The following ABRAXAS2 variants were observed in gnomAD, a reference collection of about 807,000 sequenced individuals.
The protein encoded by ABRAXAS2 is BRISC complex subunit Abraxas 2.
In ABRAXAS2, 23 loss-of-function variants were observed where a neutral mutation model predicts 49.0. The ratio of observed to expected loss-of-function variants is 0.47; its 90% CI spans 0.34 to 0.66. The LOEUF (loss-of-function observed/expected upper bound fraction) is 0.66, where lower values mean the gene tolerates loss of function less well. Ranked by LOEUF, ABRAXAS2 falls within the 30% of genes least tolerant of loss-of-function variation. The pLI, the probability that ABRAXAS2 is intolerant of heterozygous loss-of-function variation, is 0.01. For missense variants in ABRAXAS2, 443 were observed against 511.9 expected (o/e 0.87, Z 1.30); for synonymous variants, 168 against 180.2 (o/e 0.93, Z 0.54).
intron 2 of ABRAXAS2, among the ~76,000 whole-genome samples, chr10:124,807,224 A>G (rs1950751008): frequency 6.7e-6 from 1 of 149,018 alleles, no homozygotes. Flanking sequence ...GAGGCAGGAG[A>G]ATGGCATGAA....
intron 4 of ABRAXAS2, among the ~76,000 whole-genome samples, chr10:124,819,746 C>T (rs1223975754): frequency 6.6e-6 from 1 of 151,224 alleles, no homozygotes; most frequent in Non-Finnish European, 1.5e-5. Context: ...TGCACTCCAG[C>T]CTGGGAGACA....
In ABRAXAS2 at chr10:124,806,815, C is replaced by T; in HGVS notation, c.73-16C>T. 1 of 1,524,396 alleles carries T rather than the reference C, an allele frequency of 6.6e-7. No individual in the cohort carries two copies. Among genetic ancestry groups the T allele is most frequent in the South Asian group, 1.2e-5 (1 of 83,672 alleles). The allele number at this position is 1,524,396 out of a possible 1,614,324, so 94.4% of individuals were successfully genotyped here. ...TTTATTTTTAGTCTGCAATTATTTT[C>T]TTTAATTACTTTTAGGAAGGATTTT... is the stretch of plus-strand genomic sequence containing the variant. On this transcript the variant is annotated splice_polypyrimidine_tract_variant and intron_variant, in intron 1 of 8. Coordinates refer to ENST00000298492, the MANE Select transcript of ABRAXAS2 (RefSeq NM_032182.4).
rs1950967710 is a variant in ABRAXAS2 at position 124,836,252 on chromosome 10, A to G, written c.*1281A>G. On this transcript the variant is annotated 3_prime_UTR_variant, in exon 9 of 9. Coordinates refer to ENST00000298492, the MANE Select transcript of ABRAXAS2 (RefSeq NM_032182.4). ...AAGGCTTAAAATCTGGGTTCTGAAA[A>G]AGTAGTTTCAGTTTATAGGATACAC... The G allele has an allele frequency of 6.6e-6, 1 of 152,420 alleles. No individual in the cohort carries two copies. Among genetic ancestry groups the G allele is most frequent in the South Asian group, 2.1e-4 (1 of 4,832 alleles). The allele number at this position is 152,420 out of a possible 1,614,324, so 9.4% of individuals were successfully genotyped here.
rs948390198 is a variant in ABRAXAS2, at chr10:124,826,681, C to T, written c.354C>T (p.Arg118=). Residue 118 remains arginine, a synonymous_variant, in exon 5 of 9, where the codon CGC becomes CGT. Coordinates refer to ENST00000298492, the MANE Select transcript of ABRAXAS2 (RefSeq NM_032182.4). The part of the protein sequence containing the change: ...REQVLHKQLT[R]ILGVPDLVFL... ...AGGTTCTTCACAAGCAGCTCACCCG[C>T]ATCCTCGGCGTGCCCGACCTCGTCT... The T allele has an allele frequency of 5.0e-6, 8 of 1,614,122 alleles. No individual in the cohort carries two copies. The African/African-American group carries it at 9.3e-5, about 19-fold the overall frequency.
intron 4 of ABRAXAS2, among the ~76,000 whole-genome samples, chr10:124,820,531 C>T (rs181208032): frequency 7.9e-5 from 12 of 151,878 alleles, no homozygotes; most frequent in South Asian, 6.2e-4. Context: ...ACCTAGGCTG[C>T]GGTGCAGTGG....
Position 124,819,367 on chromosome 10 carries a change from T to C in ABRAXAS2, c.201-17T>C, listed in dbSNP as rs952744019. 6.2e-7 allele frequency: 1 copy of C among 1,611,906 alleles called. No homozygotes were observed. Among genetic ancestry groups the C allele is most frequent in the Middle Eastern group, 1.7e-4 (1 of 6,060 alleles). On this transcript the variant is annotated splice_polypyrimidine_tract_variant and intron_variant, in intron 3 of 8. Coordinates refer to ENST00000298492, the MANE Select transcript of ABRAXAS2 (RefSeq NM_032182.4). ...ATACTATGTGGTGTTAGTACAAGAT[T>C]TTTTTCTCTTAAACAGTTTTTATGA...
intron 2 of ABRAXAS2, among the ~76,000 whole-genome samples, chr10:124,813,500 G>T (rs1950804093): frequency 6.6e-6 from 1 of 152,184 alleles, no homozygotes; most frequent in African/African-American, 2.4e-5. Context: ...TGTGCCGAGA[G>T]GCGATGTGTA....
intron 5 of ABRAXAS2, among the ~76,000 whole-genome samples, chr10:124,827,654 C>G (rs1389451725): frequency 6.6e-6 from 1 of 151,212 alleles, no homozygotes; most frequent in Non-Finnish European, 1.5e-5. Flanking sequence ...CTGTGGAAGT[C>G]TGATTATAAT....
intron 1 of ABRAXAS2, 25 bp downstream of exon 1, chr10:124,801,926 C>G: frequency 6.2e-7 from 1 of 1,606,486 alleles, no homozygotes; most frequent in Non-Finnish European, 8.5e-7. Flanking sequence ...CCCTGCCGCG[C>G]CCGCTGGGGG....
intron 3 of ABRAXAS2, among the ~76,000 whole-genome samples, chr10:124,816,926 T>C (rs1950828259): frequency 6.6e-6 from 1 of 152,220 alleles, no homozygotes; most frequent in Non-Finnish European, 1.5e-5. Context: ...AAATGTTTTG[T>C]GTTCAACTTT....
chr10:124,811,902 C>T (rs1337031641), intron 2 of ABRAXAS2, among the ~76,000 whole-genome samples: 1 of 152,086 alleles, frequency 6.6e-6, no homozygotes, highest in Non-Finnish European at 1.5e-5. Flanking sequence ...CTCAGCCTCC[C>T]AAGTAGCTGG....
intron 1 of ABRAXAS2, among the ~76,000 whole-genome samples, chr10:124,802,127 G>T (rs1157890952): frequency 4.6e-5 from 7 of 152,184 alleles, no homozygotes; most frequent in Non-Finnish European, 5.9e-5. Flanking sequence ...CCGCTCGGCC[G>T]TCCCGGCACA....
rs1281615268 is a variant in ABRAXAS2 at position 124,826,768 on chromosome 10, C to G, written c.441C>G (p.Leu147=). The change falls in exon 5 of 9, where the codon CTC becomes CTG. Residue 147 remains leucine (L), a synonymous_variant. Transcript: ENST00000298492. ...NNSTHALEYV[L]FRPNRRYNQR... Reference sequence around the variant, plus strand: ...CCACTCACGCTTTAGAATATGTGCTCTTCAGACCAAATAGAAGGTAAAGCT... The same window carrying G: ...CCACTCACGCTTTAGAATATGTGCTGTTCAGACCAAATAGAAGGTAAAGCT... The G allele has an allele frequency of 6.2e-7, 1 of 1,613,948 alleles. No individual in the cohort carries two copies. Among genetic ancestry groups the G allele is most frequent in the South Asian group, 1.1e-5 (1 of 91,076 alleles).
In ABRAXAS2 at chr10:124,819,355, T is replaced by G. The variant is rs765650397; in HGVS notation, c.201-29T>G. 3 of 1,588,142 alleles carry G rather than the reference T, an allele frequency of 1.9e-6. No homozygotes were observed. The South Asian group carries it at 3.3e-5, about 18-fold the overall frequency. ...GTCTATGTCACAATACTATGTGGTG[T>G]TAGTACAAGATTTTTTTCTCTTAAA... On this transcript the variant is annotated intron_variant, in intron 3 of 8. Coordinates refer to ENST00000298492, the MANE Select transcript of ABRAXAS2 (RefSeq NM_032182.4).
chr10:124,827,944 A>C (rs1208627001), intron 5 of ABRAXAS2, among the ~76,000 whole-genome samples: 2 of 152,226 alleles, frequency 1.3e-5, no homozygotes, highest in African/African-American at 4.8e-5. Flanking sequence ...GAGCACTTAC[A>C]GGCTCAGCAT....
At chr10:124,803,326 C>T (rs1950718766) in intron 1 of ABRAXAS2, among the ~76,000 whole-genome samples, 1 of 152,192 alleles carries the variant, frequency 6.6e-6, no homozygotes, top group African/African-American at 2.4e-5. Context: ...ATGACCATGC[C>T]TGTTTATATT....
chr10:124,826,333 G>A (rs1950895746), intron 4 of ABRAXAS2, among the ~76,000 whole-genome samples: 1 of 152,040 alleles, frequency 6.6e-6, no homozygotes, highest in African/African-American at 2.4e-5. Flanking sequence ...ACTTCTTTTA[G>A]TGAGGAGGTG....
At chr10:124,820,210 A>G (rs1421543781) in intron 4 of ABRAXAS2, among the ~76,000 whole-genome samples, 1 of 152,226 alleles carries the variant, frequency 6.6e-6, no homozygotes, top group Non-Finnish European at 1.5e-5. Context: ...GAAGTGTGGA[A>G]GCATAGGTCA....
intron 5 of ABRAXAS2, 138 bp from the exon 6 acceptor site, chr10:124,828,618 C>A: frequency 1.5e-6 from 1 of 648,378 alleles, no homozygotes; most frequent in Non-Finnish European, 2.5e-6. Flanking sequence ...AGGTGATCTG[C>A]CTGCCTCGGC....
Sources: allele counts gnomAD v4.1 joint callset (sites outside exome capture counted in the v4.1 genomes callset), GRCh38; gene constraint gnomAD v4.1.1; transcripts MANE v1.5; gene names NCBI Gene and HGNC (gene_info 2026-07-23, HGNC 2026-07-21).